The following ZNF248 variants were observed in gnomAD, a reference collection of about 807,000 sequenced individuals.
ZNF248 encodes KRAB protein domain.
In ZNF248, 20 loss-of-function variants were observed where a neutral mutation model predicts 44.3. The observed-to-expected ratio is 0.45, with a 90% confidence interval of 0.32 to 0.66. The LOEUF (loss-of-function observed/expected upper bound fraction) is 0.66, where lower values mean the gene tolerates loss of function less well. Among genes scored for constraint, ZNF248 ranks in the 30% least tolerant of loss-of-function variants. ZNF248 has a pLI of 0.04. For missense variants in ZNF248, 654 were observed against 677.0 expected, an observed-to-expected ratio of 0.97 and a Z score of 0.38; for synonymous variants, 224 against 229.0, an observed-to-expected ratio of 0.98 and a Z score of 0.20.
chr10:37,775,354 C>CA (rs2046508022), downstream of ZNF248: 2 of 151,996 alleles, frequency 1.3e-5, no homozygotes, highest in Admixed American at 6.6e-5. Context: ...CTGGCATTTG[C>CA]TTTTTTTCTG....
Position 37,818,906 on chromosome 10 carries a change from G to A in ZNF248, c.330+14119C>T, listed in dbSNP as rs561833171. 342 of 1,087,966 alleles carry A rather than the reference G, an allele frequency of 3.1e-4. 1 individual carries two copies. In the Middle Eastern group the frequency reaches 0.011, roughly 34 times the overall value. 67.4% of individuals were successfully genotyped at this position (1,087,966 alleles called of 1,614,324 possible). On this transcript the variant is annotated intron_variant, in intron 6 of 6. Transcript: ENST00000615949. ...AAAGGCTTCCCTCCAGAAAGACACT[G>A]ATAGAAGATCACACCCACCGACCAC...
chr10:37,775,931 T>C (rs2046550256), downstream of ZNF248, among the ~76,000 whole-genome samples: 1 of 152,210 alleles, frequency 6.6e-6, no homozygotes, highest in African/African-American at 2.4e-5. Flanking sequence ...TTTCTATTCC[T>C]GCTCTGCCAT....
At chr10:37,828,745 G>T, downstream of ZNF248, 1 of 985,226 alleles carries the variant, frequency 1.0e-6, no homozygotes, top group Non-Finnish European at 1.2e-6. Flanking sequence ...CACAAGAAAG[G>T]GTGAATTAAT....
chr10:37,810,829 T>C (rs1379015965), intron 6 of ZNF248, among the ~76,000 whole-genome samples: 1 of 152,178 alleles, frequency 6.6e-6, no homozygotes, highest in Non-Finnish European at 1.5e-5. Context: ...TCAATCATAA[T>C]GGCATAAAAT....
At chr10:37,778,793 A>C (rs1326680447) in intron 6 of ZNF248, among the ~76,000 whole-genome samples, 1 of 152,218 alleles carries the variant, frequency 6.6e-6, no homozygotes, top group Non-Finnish European at 1.5e-5. Context: ...AAAAAGAGAG[A>C]AGAATCAAAT....
At chr10:37,762,447 G>A in the ZNF248 span, among the ~76,000 whole-genome samples, 1 of 152,146 alleles carries the variant, frequency 6.6e-6, no homozygotes, top group African/African-American at 2.4e-5. Context: ...TTTGAGCCCA[G>A]GAAGTCTAGT....
At chr10:37,768,313 C>A in the ZNF248 span, among the ~76,000 whole-genome samples, 2 of 152,198 alleles carry the variant, frequency 1.3e-5, no homozygotes, top group African/African-American at 4.8e-5. Flanking sequence ...CCCAAATCTA[C>A]AGAATATACA....
At chr10:37,848,694 A>G (rs1339760425) in intron 3 of ZNF248, among the ~76,000 whole-genome samples, 1 of 152,162 alleles carries the variant, frequency 6.6e-6, no homozygotes, top group East Asian at 1.9e-4. Context: ...AGTCAGAGGC[A>G]TGAAGTCCAT....
At chr10:37,813,860 T>A (rs1009375176) in intron 6 of ZNF248, among the ~76,000 whole-genome samples, 1 of 152,238 alleles carries the variant, frequency 6.6e-6, no homozygotes, top group Non-Finnish European at 1.5e-5. Context: ...ACAACTTGCA[T>A]GGGATATCTC....
chr10:37,828,009 A>G (rs1332826309), downstream of ZNF248, among the ~76,000 whole-genome samples: 1 of 152,212 alleles, frequency 6.6e-6, no homozygotes, highest in Non-Finnish European at 1.5e-5. Context: ...TGACTGAGCA[A>G]TTCTCATCCT....
At chr10:37,814,686 T>C (rs1250943513) in intron 6 of ZNF248, among the ~76,000 whole-genome samples, 1 of 152,208 alleles carries the variant, frequency 6.6e-6, no homozygotes, top group East Asian at 1.9e-4. Flanking sequence ...GTTTTTCCCT[T>C]CAGCATTTTG....
chr10:37,816,670 C>T (rs2052520383), intron 6 of ZNF248, among the ~76,000 whole-genome samples: 1 of 152,112 alleles, frequency 6.6e-6, no homozygotes, highest in Non-Finnish European at 1.5e-5. Flanking sequence ...TTTTTGAGTA[C>T]CCTTAGATTT....
chr10:37,820,395 A>G (rs1008946355), intron 6 of ZNF248: 1 of 1,498,054 alleles, frequency 6.7e-7, no homozygotes, highest in Non-Finnish European at 9.3e-7. Context: ...CATTGCTGAC[A>G]TGAGGCTGTT....
intron 5 of ZNF248, among the ~76,000 whole-genome samples, chr10:37,833,592 A>G (rs2056449960): frequency 6.6e-6 from 1 of 152,206 alleles, no homozygotes; most frequent in Non-Finnish European, 1.5e-5. Context: ...TTACTGGGGT[A>G]GAATTCCCAC....
chr10:37,788,492 G>A lies in ZNF248; in HGVS notation c.331-11917C>T, dbSNP rs541526667. On this transcript the variant is annotated intron_variant, in intron 6 of 6. Transcript: ENST00000615949. Reference sequence around the variant, plus strand: ...AAAAATTACCCAGGCTTGGTGGCATGTGCCTGTAATCCTAGCTACTCAGGA... The same window carrying A: ...AAAAATTACCCAGGCTTGGTGGCATATGCCTGTAATCCTAGCTACTCAGGA... Among the ~76,000 whole-genome samples, 9 of 151,960 alleles carry A rather than the reference G, an allele frequency of 5.9e-5. No individual in the cohort carries two copies. The East Asian group carries it at 1.8e-3, about 30-fold the overall frequency.
intron 6 of ZNF248, among the ~76,000 whole-genome samples, chr10:37,787,745 A>C (rs2048056717): frequency 6.6e-6 from 1 of 152,146 alleles, no homozygotes. Flanking sequence ...AAAAGTATAA[A>C]ATTTATAGAA....
chr10:37,778,015 T>C (rs1223170498), intron 6 of ZNF248, among the ~76,000 whole-genome samples: 2 of 152,122 alleles, frequency 1.3e-5, no homozygotes, highest in Non-Finnish European at 2.9e-5. Flanking sequence ...TGTGTCTTTA[T>C]AGCAGCATGA....
chr10:37,808,783 C>A (rs1057435103), intron 6 of ZNF248, among the ~76,000 whole-genome samples: 1 of 151,948 alleles, frequency 6.6e-6, no homozygotes, highest in Admixed American at 6.6e-5. Flanking sequence ...TTTGGAAGAG[C>A]CTAAAAAAGA....
At chr10:37,798,880 TG>T (rs796303236) in intron 6 of ZNF248, among the ~76,000 whole-genome samples, 4 of 152,284 alleles carry the variant, frequency 2.6e-5, no homozygotes, top group African/African-American at 9.6e-5. Context: ...TTTTTCAAAA[TG>T]TAAGTACATT....
Sources: gnomAD v4.1 joint callset for allele counts (sites outside exome capture counted in the v4.1 genomes callset) on GRCh38, gnomAD v4.1.1 for gene constraint, MANE v1.5 for transcripts, NCBI Gene and HGNC (gene_info 2026-07-23, HGNC 2026-07-21) for gene names.